REV3L: variants seen among roughly 807,000 people sequenced by gnomAD.
REV3L encodes the protein REV3 like, DNA directed polymerase zeta catalytic subunit, also known as DNA polymerase zeta catalytic subunit.
Under a neutral mutation model 299.4 loss-of-function variants are expected in REV3L, and 69 were observed. The ratio of observed to expected loss-of-function variants is 0.23; its 90% CI spans 0.19 to 0.28. The LOEUF (loss-of-function observed/expected upper bound fraction) is 0.28. Ranked by LOEUF, REV3L falls within the 10% of genes least tolerant of loss-of-function variation. The pLI is 1.00. For synonymous variants in REV3L, 1,238 were observed against 1,271.4 expected (o/e 0.97, Z 0.56); for missense variants, 3,128 against 3,693.8 (o/e 0.85, Z 3.97).
At chr6:111,426,369 A>G (rs1490753587) in intron 1 of REV3L, among the ~76,000 whole-genome samples, 4 of 152,050 alleles carry the variant, frequency 2.6e-5, no homozygotes, top group Non-Finnish European at 5.9e-5. Context: ...CTTATAAACT[A>G]TTTTCTTTCT....
chr6:111,411,923 A>G (rs1440519130), intron 2 of REV3L: 8 of 941,042 alleles, frequency 8.5e-6, no homozygotes, highest in East Asian at 1.2e-4. Flanking sequence ...ATAAGAAAAC[A>G]TATTTTTGTT....
Position 111,373,669 on chromosome 6 carries a change from A to G in REV3L, c.4686T>C (p.Ser1562=). 1 of 1,614,082 alleles carries G rather than the reference A, an allele frequency of 6.2e-7. No homozygotes were observed. The highest frequency in any genetic ancestry group is 8.5e-7 in the Non-Finnish European group (1 of 1,179,996). The change falls in exon 13 of 32, where the codon TCT becomes TCC. Residue 1562 remains serine, a synonymous_variant. Coordinates refer to ENST00000368802, the MANE Select transcript of REV3L (RefSeq NM_001372078.1). ...TTGCTTTGTTATGCTCAAGGGAACC[A>G]GAAATATTTTTATTTGGTTGATGTT... ...SNKHQPNKNI[S]GSLEHNKANK...
intron 1 of REV3L, among the ~76,000 whole-genome samples, chr6:111,427,873 A>G (rs1582952701): frequency 6.6e-6 from 1 of 152,168 alleles, no homozygotes; most frequent in Admixed American, 6.5e-5. Context: ...AAACTCTGCT[A>G]TGTAACTCAG....
chr6:111,389,502 C>G (rs1223824543), intron 6 of REV3L, among the ~76,000 whole-genome samples: 1 of 152,050 alleles, frequency 6.6e-6, no homozygotes, highest in African/African-American at 2.4e-5. Context: ...TTAAAAGGCA[C>G]AGTACATTAA....
intron 11 of REV3L, among the ~76,000 whole-genome samples, chr6:111,378,080 A>G (rs1780488558): frequency 6.6e-6 from 1 of 152,252 alleles, no homozygotes; most frequent in South Asian, 2.1e-4. Flanking sequence ...AGTTATTATA[A>G]TTAGACTTCA....
chr6:111,386,242 T>C (rs909265002), intron 9 of REV3L, among the ~76,000 whole-genome samples: 4 of 152,180 alleles, frequency 2.6e-5, no homozygotes, highest in Non-Finnish European at 5.9e-5. Flanking sequence ...CTAATACTTG[T>C]AGAGAAATAG....
At chr6:111,315,136 C>A in intron 27 of REV3L, 131 bp downstream of exon 27, 1 of 723,286 alleles carries the variant, frequency 1.4e-6, no homozygotes, top group Non-Finnish European at 2.2e-6. Context: ...AGACATGAGC[C>A]AGTGACCCAA....
chr6:111,305,746 T>A (rs1772215469), intron 31 of REV3L, among the ~76,000 whole-genome samples: 1 of 152,100 alleles, frequency 6.6e-6, no homozygotes, highest in Admixed American at 6.6e-5. Context: ...AAGGACCATT[T>A]AACAGCCTGA....
At chr6:111,423,579 T>C (rs558006286) in intron 1 of REV3L, among the ~76,000 whole-genome samples, 45 of 152,252 alleles carry the variant, frequency 3.0e-4, no homozygotes, top group South Asian at 1.0e-3. Context: ...TTTGTGTGTG[T>C]GCGCACATGC....
At chr6:111,431,287 C>A in intron 1 of REV3L, 1 of 1,359,082 alleles carries the variant, frequency 7.4e-7, no homozygotes, top group Non-Finnish European at 1.1e-6. Flanking sequence ...AGATGGAAGG[C>A]CATACTAGGA....
intron 25 of REV3L, among the ~76,000 whole-genome samples, chr6:111,327,670 A>G (rs757934894): frequency 2.6e-5 from 4 of 151,852 alleles, no homozygotes; most frequent in Non-Finnish European, 5.9e-5. Context: ...ATGAACCCCC[A>G]GGACTGACAA....
In REV3L at chr6:111,396,368, T is replaced by C. The variant is rs535968013; in HGVS notation, c.566-3396A>G. On this transcript the variant is annotated intron_variant, in intron 4 of 31. Coordinates refer to ENST00000368802, the MANE Select transcript of REV3L (RefSeq NM_001372078.1). ...TTGATCATGGTGTATTTTTTTTTTT[T>C]TATGTTTTGTTGGATTCGATTTGTT... is the stretch of plus-strand genomic sequence containing the variant. Among the ~76,000 whole-genome samples, 27 of 151,650 alleles carry C rather than the reference T, an allele frequency of 1.8e-4. No individual in the cohort carries two copies. In the South Asian group the frequency reaches 5.6e-3, roughly 32 times the overall value.
chr6:111,470,905 G>A (rs763185019), intron 1 of REV3L, among the ~76,000 whole-genome samples: 21 of 152,112 alleles, frequency 1.4e-4, no homozygotes, highest in African/African-American at 3.4e-4. Flanking sequence ...ATTTGAACTC[G>A]GGAGGTGGAG....
intron 26 of REV3L, among the ~76,000 whole-genome samples, chr6:111,317,368 G>A (rs1773651053): frequency 6.6e-6 from 1 of 152,144 alleles, no homozygotes. Context: ...CATTCACTAA[G>A]GTAGAATAAA....
At chr6:111,430,504 C>A (rs1405591406) in intron 1 of REV3L, 5 of 1,550,392 alleles carry the variant, frequency 3.2e-6, no homozygotes, top group Non-Finnish European at 4.4e-6. Flanking sequence ...CGGTTGCACT[C>A]GGGGATGAAA....
intron 21 of REV3L, among the ~76,000 whole-genome samples, chr6:111,342,204 T>C (rs917647691): frequency 6.6e-6 from 1 of 152,118 alleles, no homozygotes; most frequent in African/African-American, 2.4e-5. Context: ...CTTCCTGTCA[T>C]AGATTCCAGG....
chr6:111,457,988 T>C (rs909284560), intron 1 of REV3L, among the ~76,000 whole-genome samples: 1 of 151,846 alleles, frequency 6.6e-6, no homozygotes, highest in Non-Finnish European at 1.5e-5. Flanking sequence ...GGACATTATA[T>C]GCAAAGAATC....
At chr6:111,469,004 T>C (rs1791859527) in intron 1 of REV3L, among the ~76,000 whole-genome samples, 1 of 151,722 alleles carries the variant, frequency 6.6e-6, no homozygotes, top group Non-Finnish European at 1.5e-5. Flanking sequence ...CTACTAAAAA[T>C]ACAAAAAATT....
At chr6:111,304,648 G>A (rs541855623) in intron 31 of REV3L, among the ~76,000 whole-genome samples, 1 of 144,504 alleles carries the variant, frequency 6.9e-6, no homozygotes. Flanking sequence ...GGGTATACAT[G>A]TAGGTTTGTT....
Sources: allele counts gnomAD v4.1 joint callset (sites outside exome capture counted in the v4.1 genomes callset), GRCh38; gene constraint gnomAD v4.1.1; transcripts MANE v1.5; gene names NCBI Gene and HGNC (gene_info 2026-07-23, HGNC 2026-07-21).